PDE7B: variants seen among roughly 807,000 people sequenced by gnomAD.
PDE7B encodes the protein phosphodiesterase 7B, also known as 3',5'-cyclic-AMP phosphodiesterase 7B.
In PDE7B, 29 loss-of-function variants were observed where a neutral mutation model predicts 56.2. The ratio of observed to expected loss-of-function variants is 0.52; its 90% CI spans 0.38 to 0.70. PDE7B has a LOEUF of 0.70. Among genes scored for constraint, PDE7B ranks in the 30% least tolerant of loss-of-function variants. The probability of loss-of-function intolerance (pLI) is 0.00; values close to 1 mark genes in which losing one functional copy is unlikely to be tolerated. For missense variants in PDE7B, 490 were observed against 565.0 expected (o/e 0.87, Z 1.35); for synonymous variants, 197 against 196.9 (o/e 1.00, Z 0.00).
rs190574944 is a variant in PDE7B at position 136,186,952 on chromosome 6, C to T, written c.1046-84C>T. 635 of 775,186 alleles carry T rather than the reference C, an allele frequency of 8.2e-4. 1 individual carries two copies. Among genetic ancestry groups the T allele is most frequent in the Admixed American group, 2.3e-3 (112 of 49,762 alleles). The allele number at this position is 775,186 out of a possible 1,614,324, so 48.0% of individuals were successfully genotyped here. A position where few individuals can be genotyped will look rare whatever the true frequency, so the allele number is the denominator to read the frequency against. On this transcript the variant is annotated intron_variant, in intron 11 of 12. Transcript: ENST00000308191. Reference sequence around the variant, plus strand: ...CAGTAATTCCCAGAATAACTTCTTCCGACGAGGTCATTAAAATTATTAATA... The same window carrying T: ...CAGTAATTCCCAGAATAACTTCTTCTGACGAGGTCATTAAAATTATTAATA...
chr6:135,937,008 A>G (rs1371032451), intron 1 of PDE7B, among the ~76,000 whole-genome samples: 2 of 152,196 alleles, frequency 1.3e-5, no homozygotes, highest in Non-Finnish European at 2.9e-5. Flanking sequence ...CAGAGTGAGG[A>G]GGGCCTCTGG....
At chr6:136,156,889 T>C (rs931728145) in intron 8 of PDE7B, among the ~76,000 whole-genome samples, 3 of 152,240 alleles carry the variant, frequency 2.0e-5, no homozygotes, top group Non-Finnish European at 2.9e-5. Context: ...CTAAGGAACA[T>C]CAAAAAGATG....
At chr6:136,127,828 C>A (rs555753542) in intron 3 of PDE7B, among the ~76,000 whole-genome samples, 29 of 152,194 alleles carry the variant, frequency 1.9e-4, no homozygotes, top group Non-Finnish European at 4.0e-4. Context: ...AAATTTGCAA[C>A]TGCAGCATTC....
chr6:135,906,827 T>TTTTTTTTTTGTTTTTTTTG (rs1554265693), intron 1 of PDE7B, among the ~76,000 whole-genome samples: 1 of 133,454 alleles, frequency 7.5e-6, no homozygotes, highest in South Asian at 2.7e-4. Flanking sequence ...TTTTTTTTTT[T>TTTTTTTTTTGTTTTTTTTG]TTTTTTTTTA....
chr6:135,940,070 A>G (rs1385283232), intron 1 of PDE7B, among the ~76,000 whole-genome samples: 1 of 151,926 alleles, frequency 6.6e-6, no homozygotes, highest in Non-Finnish European at 1.5e-5. Context: ...ATTGACCCCA[A>G]TTTTTCTCCA....
At chr6:136,162,768 A>AT (rs1265304746) in intron 8 of PDE7B, among the ~76,000 whole-genome samples, 2 of 152,240 alleles carry the variant, frequency 1.3e-5, no homozygotes, top group Non-Finnish European at 2.9e-5. Context: ...AAATACACCC[A>AT]TTCCAAATGG....
chr6:135,938,717 C>T (rs759654949), intron 1 of PDE7B, among the ~76,000 whole-genome samples: 5 of 152,130 alleles, frequency 3.3e-5, no homozygotes, highest in African/African-American at 4.8e-5. Flanking sequence ...CAACGTAAGA[C>T]GCAATGACTC....
intron 2 of PDE7B, among the ~76,000 whole-genome samples, chr6:136,062,010 C>T (rs1339047057): frequency 6.6e-6 from 1 of 152,144 alleles, no homozygotes; most frequent in East Asian, 1.9e-4. Context: ...GAAATTGAAA[C>T]AGTAAAATAG....
chr6:136,114,941 G>A (rs1428887485), intron 3 of PDE7B: 5 of 152,320 alleles, frequency 3.3e-5, no homozygotes, highest in Non-Finnish European at 7.3e-5. Flanking sequence ...CTTCAGCTGC[G>A]GAAGTGCCAG....
intron 3 of PDE7B, among the ~76,000 whole-genome samples, chr6:136,138,516 T>C (rs1211832994): frequency 6.6e-6 from 1 of 152,130 alleles, no homozygotes. Context: ...ATAAACTTAT[T>C]TTTTCTTGGA....
intron 1 of PDE7B, among the ~76,000 whole-genome samples, chr6:135,862,851 G>C (rs147860292): frequency 0.012 from 1,780 of 151,742 alleles, 9 homozygotes; most frequent in South Asian, 0.029. Context: ...TCTCCCCTAG[G>C]TTTTAAAATT....
At chr6:135,920,617 G>T (rs1384643517) in intron 1 of PDE7B, among the ~76,000 whole-genome samples, 1 of 152,168 alleles carries the variant, frequency 6.6e-6, no homozygotes. Context: ...CAGAAAAAGA[G>T]TCACCTAAAT....
At chr6:135,866,582 C>G (rs981461080) in intron 1 of PDE7B, among the ~76,000 whole-genome samples, 4 of 152,172 alleles carry the variant, frequency 2.6e-5, no homozygotes, top group Admixed American at 2.0e-4. Flanking sequence ...CATTTTCCAT[C>G]AAATATATTT....
At chr6:136,120,023 C>T (rs954555661) in intron 3 of PDE7B, among the ~76,000 whole-genome samples, 75 of 152,118 alleles carry the variant, frequency 4.9e-4, no homozygotes, top group African/African-American at 1.7e-3. Context: ...CTAGAAAAGA[C>T]GATTCACAAG....
intron 1 of PDE7B, among the ~76,000 whole-genome samples, chr6:135,904,295 G>A (rs530872109): frequency 1.3e-5 from 2 of 152,308 alleles, no homozygotes; most frequent in South Asian, 2.1e-4. Context: ...AGACCCCAGA[G>A]CATCATTTAT....
chr6:136,115,783 C>T (rs1182972492), intron 3 of PDE7B, among the ~76,000 whole-genome samples: 1 of 152,210 alleles, frequency 6.6e-6, no homozygotes, highest in African/African-American at 2.4e-5. Flanking sequence ...CTGAGCCACA[C>T]CAACCGCCAC....
chr6:135,874,838 TA>T (rs749082121), intron 1 of PDE7B, among the ~76,000 whole-genome samples: 2 of 152,188 alleles, frequency 1.3e-5, no homozygotes, highest in Non-Finnish European at 2.9e-5. Flanking sequence ...ATAGGTAAAT[TA>T]AAATTTCCTG....
rs139793314 is a variant in PDE7B, at chr6:135,941,740, A to G, written c.22-5724A>G. Among the ~76,000 whole-genome samples, 263 of 152,348 alleles carry G rather than the reference A, an allele frequency of 1.7e-3. 1 individual carries two copies. The highest frequency in any genetic ancestry group is 2.9e-3 in the Non-Finnish European group (198 of 68,034). Reference sequence around the variant, plus strand: ...TAATTTCTTTCTGATAACATTTAACATTACCTACTTGCAGAAAACTGTTAT... The same window carrying G: ...TAATTTCTTTCTGATAACATTTAACGTTACCTACTTGCAGAAAACTGTTAT... On this transcript the variant is annotated intron_variant, in intron 1 of 12. Coordinates refer to ENST00000308191, the MANE Select transcript of PDE7B (RefSeq NM_018945.4).
At chr6:136,092,445 T>C (rs1178895762) in intron 2 of PDE7B, among the ~76,000 whole-genome samples, 2 of 152,098 alleles carry the variant, frequency 1.3e-5, no homozygotes, top group African/African-American at 2.4e-5. Flanking sequence ...TAGGAAGAAA[T>C]GGCAGATTCA....
Sources: gnomAD v4.1 joint callset for allele counts (sites outside exome capture counted in the v4.1 genomes callset) on GRCh38, gnomAD v4.1.1 for gene constraint, MANE v1.5 for transcripts, NCBI Gene and HGNC (gene_info 2026-07-23, HGNC 2026-07-21) for gene names.